ARHGAP44: variants seen among roughly 807,000 people sequenced by gnomAD.
ARHGAP44 encodes rho GTPase-activating protein 44.
A neutral mutation model predicts 106.8 loss-of-function variants in ARHGAP44; 43 were observed. The observed-to-expected ratio is 0.40, with a 90% CI of 0.32 to 0.52. ARHGAP44 has a LOEUF of 0.52. ARHGAP44 is among the 20% of genes least tolerant of loss of function. The pLI, the probability that ARHGAP44 is intolerant of heterozygous loss-of-function variation, is 0.48. For missense variants in ARHGAP44, 866 were observed against 1,050.5 expected (o/e 0.82, Z 2.43); for synonymous variants, 439 against 410.3 (o/e 1.07, Z -0.85).
intron 1 of ARHGAP44, among the ~76,000 whole-genome samples, chr17:12,792,561 C>T (rs1357809364): frequency 6.6e-6 from 1 of 152,128 alleles, no homozygotes; most frequent in African/African-American, 2.4e-5. Context: ...AAAGAGCCCG[C>T]GGTTGCCTGT....
intron 1 of ARHGAP44, among the ~76,000 whole-genome samples, chr17:12,847,502 T>C (rs1327681087): frequency 1.4e-5 from 2 of 146,344 alleles, no homozygotes; most frequent in Non-Finnish European, 3.0e-5. Flanking sequence ...TCCTTCAAGC[T>C]ACCATCACTC....
At chr17:12,928,547 A>G (rs1598069888) in intron 6 of ARHGAP44, among the ~76,000 whole-genome samples, 2 of 152,178 alleles carry the variant, frequency 1.3e-5, no homozygotes, top group South Asian at 2.1e-4. Context: ...ATATATCCCA[A>G]CACATCACAT....
At chr17:12,879,270 A>G (rs911280829) in intron 1 of ARHGAP44, among the ~76,000 whole-genome samples, 1 of 152,198 alleles carries the variant, frequency 6.6e-6, no homozygotes, top group Admixed American at 6.5e-5. Context: ...GATGGTCTAC[A>G]GTTTCATCCA....
intron 7 of ARHGAP44, among the ~76,000 whole-genome samples, chr17:12,930,325 C>A (rs2038361736): frequency 1.3e-5 from 2 of 152,036 alleles, no homozygotes; most frequent in Admixed American, 1.3e-4. Context: ...CTTCCGTCTC[C>A]CAGGTTGAAG....
intron 1 of ARHGAP44, among the ~76,000 whole-genome samples, chr17:12,804,755 A>T (rs959451559): frequency 6.6e-6 from 1 of 152,188 alleles, no homozygotes. Flanking sequence ...GCTGGTTCAC[A>T]CTGAGGTATA....
At chr17:12,933,801 A>G (rs1404991606) in intron 7 of ARHGAP44, among the ~76,000 whole-genome samples, 2 of 151,352 alleles carry the variant, frequency 1.3e-5, no homozygotes, top group Non-Finnish European at 2.9e-5. Context: ...GACACTTTCC[A>G]TCATCACCTT....
At chr17:12,816,160 A>G (rs557034012) in intron 1 of ARHGAP44, among the ~76,000 whole-genome samples, 3 of 152,322 alleles carry the variant, frequency 2.0e-5, no homozygotes, top group South Asian at 4.1e-4. Context: ...AAGGAAGCCA[A>G]CAAAGAAAAT....
intron 1 of ARHGAP44, among the ~76,000 whole-genome samples, chr17:12,885,323 AG>A (rs1049503833): frequency 8.8e-5 from 12 of 136,140 alleles, no homozygotes; most frequent in African/African-American, 4.1e-4. Context: ...TTCACAGAGT[AG>A]GTGTGTGTGT....
At chr17:12,964,404 C>T (rs1598128536) in intron 16 of ARHGAP44, among the ~76,000 whole-genome samples, 2 of 152,340 alleles carry the variant, frequency 1.3e-5, no homozygotes, top group East Asian at 3.9e-4. Flanking sequence ...TGTCAGATGC[C>T]TCCACTGGCT....
intron 1 of ARHGAP44, among the ~76,000 whole-genome samples, chr17:12,867,539 C>T (rs1597967857): frequency 6.6e-6 from 1 of 152,170 alleles, no homozygotes; most frequent in Non-Finnish European, 1.5e-5. Context: ...TTCAGCATCA[C>T]AGACTTGCAC....
intron 1 of ARHGAP44, among the ~76,000 whole-genome samples, chr17:12,831,094 G>A (rs2035074273): frequency 6.6e-6 from 1 of 152,190 alleles, no homozygotes; most frequent in Admixed American, 6.5e-5. Context: ...ATTAAGTATT[G>A]AGTGTTTACT....
chr17:12,947,439 G>A (rs1220024005), intron 10 of ARHGAP44, among the ~76,000 whole-genome samples: 1 of 152,018 alleles, frequency 6.6e-6, no homozygotes, highest in Non-Finnish European at 1.5e-5. Context: ...GGGGCATCAG[G>A]GTCCTCTGTT....
intron 18 of ARHGAP44, among the ~76,000 whole-genome samples, chr17:12,978,109 A>C (rs910101459): frequency 1.3e-5 from 2 of 149,784 alleles, no homozygotes; most frequent in East Asian, 4.0e-4. Flanking sequence ...GATTCCTTGG[A>C]TAGATGTGTG....
chr17:12,854,765 T>C (rs1220549500), intron 1 of ARHGAP44, among the ~76,000 whole-genome samples: 3 of 151,826 alleles, frequency 2.0e-5, no homozygotes, highest in Admixed American at 6.6e-5. Flanking sequence ...TCGAGACCAG[T>C]CTGACCAACA....
intron 7 of ARHGAP44, among the ~76,000 whole-genome samples, chr17:12,932,549 C>A (rs1201731326): frequency 6.6e-6 from 1 of 152,128 alleles, no homozygotes; most frequent in Non-Finnish European, 1.5e-5. Flanking sequence ...GGGAAAAGAT[C>A]CTGGGTAGCC....
In ARHGAP44 at chr17:12,974,145, G is replaced by A. The variant is rs2039605087; in HGVS notation, c.1598G>A (p.Gly533Asp). The stretch of plus-strand genomic sequence containing the variant: ...GTGGCTCGAAGAGGCTCCTCGGCCG[G>A]TCGGAAAGTGTCCTGCGCCCCGCCC... Reference protein sequence around the residue: ...NWVARRGSSAGRKVSCAPPSM... With the variant: ...NWVARRGSSADRKVSCAPPSM... Residue 533 changes from glycine (G) to aspartate (D), a missense_variant, in exon 18 of 21, where the codon GGT becomes GAT. This residue lies in a region of ARHGAP44 where 418 missense variants were observed against 403.6 expected (regional missense o/e 1.04). Coordinates refer to ENST00000379672, the MANE Select transcript of ARHGAP44 (RefSeq NM_014859.6). 1 of 1,561,986 alleles carries A rather than the reference G, an allele frequency of 6.4e-7. No individual in the cohort carries two copies. The highest frequency in any genetic ancestry group is 1.9e-5 in the Admixed American group (1 of 52,358).
intron 1 of ARHGAP44, among the ~76,000 whole-genome samples, chr17:12,859,760 A>G (rs1467903000): frequency 6.6e-6 from 1 of 152,226 alleles, no homozygotes; most frequent in African/African-American, 2.4e-5. Context: ...GCCAAGAAAC[A>G]GTAAGCACAT....
Position 12,831,122 on chromosome 17 carries a change from C to A in ARHGAP44, c.53+41231C>A, listed in dbSNP as rs568790733. On this transcript the variant is annotated intron_variant, in intron 1 of 20. Coordinates refer to ENST00000379672, the MANE Select transcript of ARHGAP44 (RefSeq NM_014859.6). ...TGTTTACTATGCTCCAGAACATGGT[C>A]CTAAGTTCATGCCATACCTTATCTC... 7.2e-5 allele frequency among the ~76,000 whole-genome samples: 11 copies of A among 152,296 alleles called. No individual in the cohort carries two copies. The South Asian group carries it at 2.1e-3, about 29-fold the overall frequency.
chr17:12,828,632 C>CT (rs2034993321), intron 1 of ARHGAP44, among the ~76,000 whole-genome samples: 2 of 108,090 alleles, frequency 1.9e-5, no homozygotes, highest in African/African-American at 4.2e-5. Context: ...ATTTTTTTTT[C>CT]TTTCTTTTTT....
Sources: allele counts gnomAD v4.1 joint callset (sites outside exome capture counted in the v4.1 genomes callset), GRCh38; gene constraint gnomAD v4.1.1; regional missense constraint gnomAD v4.1.1; transcripts MANE v1.5; gene names NCBI Gene and HGNC (gene_info 2026-07-23, HGNC 2026-07-21).